Variants in CTSV observed in about 807,000 individuals in gnomAD.
The protein encoded by CTSV is cathepsin V, also known as cathepsin L2.
In CTSV, 33 loss-of-function variants were observed where a neutral mutation model predicts 35.6. The observed-to-expected ratio is 0.93, with a 90% CI of 0.70 to 1.24. CTSV has a LOEUF of 1.24. CTSV is among the 50% of genes most tolerant of loss of function. CTSV has a pLI of 0.00. For missense variants in CTSV, 408 were observed against 413.1 expected (o/e 0.99, Z 0.11); for synonymous variants, 154 against 147.1 (o/e 1.05, Z -0.34).
intron 4 of CTSV, 45 bp downstream of exon 4, chr9:97,037,207 T>C (rs1284001138): frequency 1.9e-6 from 3 of 1,587,838 alleles, no homozygotes; most frequent in Admixed American, 1.8e-5. Flanking sequence ...CAATTCCTTC[T>C]TGGCTTTCCT....
chr9:97,034,622 A>T (rs892402738), intron 7 of CTSV, 104 bp downstream of exon 7: 5 of 843,194 alleles, frequency 5.9e-6, no homozygotes, highest in Non-Finnish European at 1.0e-5. Flanking sequence ...TGTTCACTCT[A>T]AGTAGAAGAA....
rs966265927 is a variant in CTSV at position 97,031,111 on chromosome 9, A to G, written c.*1838T>C. On this transcript the variant is annotated 3_prime_UTR_variant, in exon 8 of 8. Transcript: ENST00000259470. ...TTTGAAATTTTTTTATTTGAATAAA[A>G]AGCCATCACTCTTTCATTCAATTTA... is the stretch of plus-strand genomic sequence containing the variant. 2.6e-5 allele frequency: 4 copies of G among 152,200 alleles called. No homozygotes were observed. Among genetic ancestry groups the G allele is most frequent in the Admixed American group, 1.3e-4 (2 of 15,270 alleles). The allele number at this position is 152,200 out of a possible 1,614,324, so 9.4% of individuals were successfully genotyped here. A position where few individuals can be genotyped will look rare whatever the true frequency, so the allele number is the denominator to read the frequency against.
chr9:97,035,124 T>C (rs1828823951), intron 6 of CTSV, among the ~76,000 whole-genome samples: 1 of 152,230 alleles, frequency 6.6e-6, no homozygotes, highest in South Asian at 2.1e-4. Context: ...TGTTTACAGC[T>C]AAGGTGATTT....
At position 97,039,111 on chromosome 9, in the gene CTSV, G is replaced by T. The variant is rs1294531587; in HGVS notation, c.-51C>A. On this transcript the variant is annotated 5_prime_UTR_variant, in exon 1 of 8. Transcript: ENST00000259470. ...CTGCGCAGGCACCCTCAGCAAACAA[G>T]CCTCTGAGATTACAGACGTCCGCGG... is the stretch of plus-strand genomic sequence containing the variant. 1.3e-5 allele frequency: 2 copies of T among 152,410 alleles called. No homozygotes were observed. The allele number at this position is 152,410 out of a possible 1,614,324, so 9.4% of individuals were successfully genotyped here.
intron 1 of CTSV, among the ~76,000 whole-genome samples, chr9:97,038,752 G>A (rs1439129481): frequency 6.6e-6 from 1 of 152,146 alleles, no homozygotes; most frequent in Non-Finnish European, 1.5e-5. Context: ...CTCTGCACGC[G>A]CCGCCGCGCC....
chr9:97,035,890 C>G (rs1239979398), intron 5 of CTSV, among the ~76,000 whole-genome samples, 197 bp from the exon 6 acceptor site: 1 of 152,104 alleles, frequency 6.6e-6, no homozygotes, highest in Non-Finnish European at 1.5e-5. Context: ...ATGAGAACCC[C>G]TAGGTCAATC....
At position 97,030,089 on chromosome 9, in the gene CTSV, CAT is replaced by C. The variant is rs1186019885; in HGVS notation, c.*2858_*2859del. 1 of 152,244 alleles carries C rather than the reference CAT, an allele frequency of 6.6e-6. No homozygotes were observed. Among genetic ancestry groups the C allele is most frequent in the African/African-American group, 2.4e-5 (1 of 41,460 alleles). 9.4% of individuals were successfully genotyped at this position (152,244 alleles called of 1,614,324 possible). A position where few individuals can be genotyped will look rare whatever the true frequency, so the allele number is the denominator to read the frequency against. The stretch of plus-strand genomic sequence containing the variant: ...AATGTATCCCCATCATTAAGCAACA[CAT>C]GACTGTATATATACATTTACTAATG... On this transcript the variant is annotated 3_prime_UTR_variant, in exon 8 of 8. Coordinates refer to ENST00000259470, the MANE Select transcript of CTSV (RefSeq NM_001333.4).
Position 97,035,625 on chromosome 9 carries a change from A to G in CTSV, c.690T>C (p.Pro230=), listed in dbSNP as rs144112782. 2.6e-5 allele frequency: 42 copies of G among 1,605,372 alleles called. No individual in the cohort carries two copies. The African/African-American group carries it at 5.5e-4, about 21-fold the overall frequency. Residue 230 remains proline, a synonymous_variant, in exon 6 of 8, where the codon CCT becomes CCC. Coordinates refer to ENST00000259470, the MANE Select transcript of CTSV (RefSeq NM_001333.4). ...CTTTCATCAGGGCCTTCTCCTTTCC[A>G]GGTGCGACCACTGTGAAGCCAGTGT... ...ANDTGFTVVA[P]GKEKALMKAV...
Position 97,035,551 on chromosome 9 carries a change from G to A in CTSV, c.764C>T (p.Ser255Leu), listed in dbSNP as rs764768381. ...ACCTGATTTGTAGAACTGGAAGGAC[G>A]AATGGCCTGCATCCATAGCAACGGA... Reference protein sequence around the residue: ...PISVAMDAGHSSFQFYKSGIY... With the variant: ...PISVAMDAGHLSFQFYKSGIY... Residue 255 changes from serine to leucine, a missense_variant, in exon 6 of 8, where the codon TCG (serine) becomes TTG (leucine). Coordinates refer to ENST00000259470, the MANE Select transcript of CTSV (RefSeq NM_001333.4). 6.2e-5 allele frequency: 97 copies of A among 1,562,218 alleles called. No homozygotes were observed. Among genetic ancestry groups the A allele is most frequent in the Non-Finnish European group, 8.1e-5 (93 of 1,150,326 alleles).
chr9:97,037,219 T>C (rs768720614), intron 4 of CTSV, 33 bp downstream of exon 4: 8 of 1,601,792 alleles, frequency 5.0e-6, no homozygotes, highest in South Asian at 3.4e-5. Flanking sequence ...GGCTTTCCTG[T>C]GGAGACAGGG....
rs1828875374 is a variant in CTSV at position 97,037,521 on chromosome 9, G to A, written c.221C>T (p.Thr74Ile). Reference sequence around the variant, plus strand: ...GTCACCAAAAGCATTCATGGCCATTGTGAAGCCATGTTTCCCTTGGCTGTA... The same window carrying A: ...GTCACCAAAAGCATTCATGGCCATTATGAAGCCATGTTTCCCTTGGCTGTA... ...GEYSQGKHGFTMAMNAFGDMT... is the reference protein window; with the variant it reads ...GEYSQGKHGFIMAMNAFGDMT... The change falls in exon 3 of 8, where the codon ACA becomes ATA. Residue 74 changes from threonine (T) to isoleucine (I), a missense_variant. Transcript: ENST00000259470. 2 of 1,614,050 alleles carry A rather than the reference G, an allele frequency of 1.2e-6. No individual in the cohort carries two copies. The highest frequency in any genetic ancestry group is 1.7e-6 in the Non-Finnish European group (2 of 1,180,040).
Position 97,032,607 on chromosome 9 carries a change from A to AT in CTSV, c.*341dup, listed in dbSNP as rs1424610120. The AT allele has an allele frequency of 8.5e-5, 16 of 187,828 alleles. No homozygotes were observed. Among genetic ancestry groups the AT allele is most frequent in the African/African-American group, 3.0e-4 (13 of 42,944 alleles). 11.6% of individuals were successfully genotyped at this position (187,828 alleles called of 1,614,324 possible). The stretch of plus-strand genomic sequence containing the variant: ...GAAGTTATTATTTCAGAGCTTAATT[A>AT]TATTTCCTGACTACACAAAAAGCCA... On this transcript the variant is annotated 3_prime_UTR_variant, in exon 8 of 8. Coordinates refer to ENST00000259470, the MANE Select transcript of CTSV (RefSeq NM_001333.4).
At position 97,037,496 on chromosome 9, in the gene CTSV, G is replaced by A; in HGVS notation, c.246C>T (p.Asp82=). The change falls in exon 3 of 8, where the codon GAC becomes GAT. Residue 82 remains aspartate (D), a synonymous_variant. Transcript: ENST00000259470. ...GFTMAMNAFG[D]MTNEEFRQMM... ...CAGCAATCCTTGCCACACTCACCATGTCACCAAAAGCATTCATGGCCATTG... is the reference window on the plus strand; with the variant it reads ...CAGCAATCCTTGCCACACTCACCATATCACCAAAAGCATTCATGGCCATTG... 6.2e-7 allele frequency: 1 copy of A among 1,614,188 alleles called. No individual in the cohort carries two copies. Among genetic ancestry groups the A allele is most frequent in the South Asian group, 1.1e-5 (1 of 91,082 alleles).
chr9:97,032,888 TC>T lies in CTSV; in HGVS notation c.*60del. The stretch of plus-strand genomic sequence containing the variant: ...TTACACAATAAGCGTTTGGTCAGTT[TC>T]AAGATAAAATTTCCCCAGACATGCT... On this transcript the variant is annotated 3_prime_UTR_variant, in exon 8 of 8. Transcript: ENST00000259470. 2 of 1,217,532 alleles carry T rather than the reference TC, an allele frequency of 1.6e-6. No individual in the cohort carries two copies. Among genetic ancestry groups the T allele is most frequent in the East Asian group, 4.7e-5 (2 of 42,448 alleles). 75.4% of individuals were successfully genotyped at this position (1,217,532 alleles called of 1,614,324 possible).
chr9:97,038,744 C>T (rs1370217183), intron 1 of CTSV, among the ~76,000 whole-genome samples: 1 of 152,182 alleles, frequency 6.6e-6, no homozygotes, highest in Non-Finnish European at 1.5e-5. Flanking sequence ...CTCTCGCCCT[C>T]TGCACGCGCC....
At position 97,029,936 on chromosome 9, in the gene CTSV, G is replaced by A. The variant is rs1017597906; in HGVS notation, c.*3013C>T. On this transcript the variant is annotated 3_prime_UTR_variant, in exon 8 of 8. Transcript: ENST00000259470. The stretch of plus-strand genomic sequence containing the variant: ...CAGCACAGTGATGTGTTGCACAGGT[G>A]CGTAGCTTAGGAGCAACAGGCTGTA... 2.6e-5 allele frequency: 4 copies of A among 152,198 alleles called. No individual in the cohort carries two copies. Among genetic ancestry groups the A allele is most frequent in the African/African-American group, 9.7e-5 (4 of 41,438 alleles). 9.4% of individuals were successfully genotyped at this position (152,198 alleles called of 1,614,324 possible).
Position 97,037,555 on chromosome 9 carries a change from T to C in CTSV, c.187A>G (p.Asn63Asp). Residue 63 changes from asparagine (N) to aspartate (D), a missense_variant, in exon 3 of 8, where the codon AAT becomes GAT. By Grantham distance (23) the Asn-to-Asp change is conservative (BLOSUM62 1). Coordinates refer to ENST00000259470, the MANE Select transcript of CTSV (RefSeq NM_001333.4). ...TGTTTCCCTTGGCTGTATTCCCCAT[T>C]GTGCAGTTCAATCATTTTCATATTC... The part of the protein sequence containing the change: ...EKNMKMIELH[N>D]GEYSQGKHGF... The C allele has an allele frequency of 6.2e-7, 1 of 1,614,144 alleles. No homozygotes were observed. The highest frequency in any genetic ancestry group is 8.5e-7 in the Non-Finnish European group (1 of 1,180,010).
At chr9:97,037,814 C>T in intron 2 of CTSV, 104 bp downstream of exon 2, 1 of 1,482,520 alleles carries the variant, frequency 6.7e-7, no homozygotes, top group South Asian at 1.2e-5. Flanking sequence ...TAGGTTATTG[C>T]CTGGTAAGGT....
Position 97,031,497 on chromosome 9 carries a change from CA to C in CTSV, c.*1451del, listed in dbSNP as rs1254406994. The C allele has an allele frequency of 2.0e-5, 3 of 152,214 alleles. No homozygotes were observed. The highest frequency in any genetic ancestry group is 7.2e-5 in the African/African-American group (3 of 41,448). The allele number at this position is 152,214 out of a possible 1,614,324, so 9.4% of individuals were successfully genotyped here. On this transcript the variant is annotated 3_prime_UTR_variant, in exon 8 of 8. Transcript: ENST00000259470. ...TATATCTTTACTATTTTCTCCTGCT[CA>C]TAAAAATACATGCTTTTCACTAAAC... is the stretch of plus-strand genomic sequence containing the variant.
Sources: gnomAD v4.1 joint callset for allele counts (sites outside exome capture counted in the v4.1 genomes callset) on GRCh38, gnomAD v4.1.1 for gene constraint, MANE v1.5 for transcripts, NCBI Gene and HGNC (gene_info 2026-07-23, HGNC 2026-07-21) for gene names.